TAC4: variants seen among roughly 807,000 people sequenced by gnomAD.
TAC4 encodes the protein tachykinin precursor 4, also known as tachykinin-4.
A neutral mutation model predicts 17.7 loss-of-function variants in TAC4; 17 were observed. The ratio of observed to expected loss-of-function variants is 0.96; its 90% CI spans 0.66 to 1.44. The LOEUF (loss-of-function observed/expected upper bound fraction) is 1.44, where lower values mean the gene tolerates loss of function less well. Ranked by LOEUF, TAC4 falls within the 40% of genes most tolerant of loss-of-function variation. TAC4 has a pLI of 0.00. For missense variants in TAC4, 118 were observed against 125.6 expected (o/e 0.94, Z 0.29); for synonymous variants, 62 against 52.4 (o/e 1.18, Z -0.79).
chr17:49,839,992 G>A (rs2074484947), intron 3 of TAC4, 83 bp from the exon 4 acceptor site: 1 of 1,408,076 alleles, frequency 7.1e-7, no homozygotes. Flanking sequence ...CAAAGGACAG[G>A]GCCAGGGCGA....
Position 49,842,389 on chromosome 17 carries a change from G to C in TAC4, c.200-805C>G, listed in dbSNP as rs923930357. Among the ~76,000 whole-genome samples the C allele has an allele frequency of 3.0e-4, 46 of 151,960 alleles. 2 individuals carry two copies. Among genetic ancestry groups the C allele is most frequent in the Non-Finnish European group, 1.5e-5 (1 of 67,988 alleles). The stretch of plus-strand genomic sequence containing the variant: ...ACTAAAAATACAAAAAATTAGCCAG[G>C]CATGGTGGCTGATGCCTGTAATCTC... On this transcript the variant is annotated intron_variant, in intron 2 of 4. Transcript: ENST00000436235.
At chr17:49,847,692 G>GACACACAC (rs150685532) in intron 1 of TAC4, 351 of 434,216 alleles carry the variant, frequency 8.1e-4, no homozygotes, top group East Asian at 2.3e-3. Flanking sequence ...CACACACACA[G>GACACACAC]ACACACACAC....
chr17:49,844,288 C>T (rs1317236448), intron 1 of TAC4, 131 bp from the exon 2 acceptor site: 4 of 742,408 alleles, frequency 5.4e-6, no homozygotes, highest in Non-Finnish European at 9.4e-6. Flanking sequence ...GCACTGGGCA[C>T]CTCAGCATAT....
chr17:49,844,163 G>A lies in TAC4; in HGVS notation c.106-6C>T, dbSNP rs894811920. On this transcript the variant is annotated splice_region_variant and splice_polypyrimidine_tract_variant and intron_variant, in intron 1 of 4. Transcript: ENST00000436235. ...ATGCTGGGGCCAGCGCCTTCCTGAA[G>A]AAGCAGAGAGTTAGTGTTAGAGTTG... The A allele has an allele frequency of 2.1e-5, 34 of 1,613,598 alleles. No homozygotes were observed. The Middle Eastern group carries it at 3.0e-3, about 141-fold the overall frequency.
chr17:49,846,807 G>C, intron 1 of TAC4: 1 of 499,460 alleles, frequency 2.0e-6, no homozygotes, highest in Non-Finnish European at 3.2e-6. Flanking sequence ...GCTGCGTAGT[G>C]AGGCCCATCA....
chr17:49,846,890 G>C, intron 1 of TAC4: 1 of 1,181,940 alleles, frequency 8.5e-7, no homozygotes, highest in Non-Finnish European at 1.1e-6. Flanking sequence ...ATCAAAGCTG[G>C]AGAAAAGCCT....
chr17:49,838,545 A>T lies in TAC4; in HGVS notation c.*97T>A. On this transcript the variant is annotated 3_prime_UTR_variant, in exon 5 of 5. Transcript: ENST00000436235. ...GAAGTGCCAGCGATGAGGACAGGAGACACAGAGAAGAGAGTTGGCCTGCCG... is the reference window on the plus strand; with the variant it reads ...GAAGTGCCAGCGATGAGGACAGGAGTCACAGAGAAGAGAGTTGGCCTGCCG... 1 of 1,464,484 alleles carries T rather than the reference A, an allele frequency of 6.8e-7. No individual in the cohort carries two copies. The highest frequency in any genetic ancestry group is 9.6e-7 in the Non-Finnish European group (1 of 1,046,398). The allele number at this position is 1,464,484 out of a possible 1,614,324, so 90.7% of individuals were successfully genotyped here. A position where few individuals can be genotyped will look rare whatever the true frequency, so the allele number is the denominator to read the frequency against.
chr17:49,842,819 A>G (rs1307816886), intron 2 of TAC4, among the ~76,000 whole-genome samples: 1 of 152,172 alleles, frequency 6.6e-6, no homozygotes, highest in Non-Finnish European at 1.5e-5. Flanking sequence ...ATGCATTTGC[A>G]TATCTGTGTG....
rs754494238 is a variant in TAC4, at chr17:49,840,466, G to C, written c.233-557C>G. Among the ~76,000 whole-genome samples, 9 of 152,264 alleles carry C rather than the reference G, an allele frequency of 5.9e-5. No homozygotes were observed. In the East Asian group the frequency reaches 1.2e-3, roughly 20 times the overall value. ...TAGGGGACTAGACTTGGTCCTGAGA[G>C]CGCTGAGGGAGTGGAGGGTACAGGT... On this transcript the variant is annotated intron_variant, in intron 3 of 4. Transcript: ENST00000436235.
chr17:49,841,581 C>A lies in TAC4; in HGVS notation c.203G>T (p.Arg68Ile). Residue 68 changes from arginine (R) to isoleucine (I), a missense_variant, in exon 3 of 5, where the codon AGA becomes ATA. Coordinates refer to ENST00000436235, the MANE Select transcript of TAC4 (RefSeq NM_001077506.2). ...FGLMGKRVGG[R>I]PLIQPRRKKA... Reference sequence around the variant, plus strand: ...TTTTCTCCTTGGCTGGATCAGAGGTCTTCCTGGGGGAAGGAGAAGGAATGA... The same window carrying A: ...TTTTCTCCTTGGCTGGATCAGAGGTATTCCTGGGGGAAGGAGAAGGAATGA... The A allele has an allele frequency of 6.4e-7, 1 of 1,574,252 alleles. No individual in the cohort carries two copies. The highest frequency in any genetic ancestry group is 1.8e-5 in the Admixed American group (1 of 54,640).
intron 1 of TAC4, among the ~76,000 whole-genome samples, chr17:49,845,464 T>C (rs77859719): frequency 2.1e-3 from 326 of 152,318 alleles, no homozygotes; most frequent in African/African-American, 7.1e-3. Flanking sequence ...TTAGACTGTC[T>C]TCACATGTCT....
intron 4 of TAC4, 41 bp from the exon 5 acceptor site, chr17:49,838,714 T>C (rs754401609): frequency 6.2e-7 from 1 of 1,604,364 alleles, no homozygotes; most frequent in Non-Finnish European, 8.5e-7. Flanking sequence ...TAGTCGGGGG[T>C]CTTGTCTGGC....
chr17:49,847,756 G>T, intron 1 of TAC4, 157 bp downstream of exon 1: 1 of 1,259,400 alleles, frequency 7.9e-7, no homozygotes, highest in East Asian at 2.5e-5. Flanking sequence ...AGGGCTCATA[G>T]CCTTGAATCT....
intron 1 of TAC4, chr17:49,846,846 G>T: frequency 1.2e-6 from 1 of 828,016 alleles, no homozygotes; most frequent in South Asian, 1.7e-5. Flanking sequence ...TCTAGACCAG[G>T]TACCCTGATG....
chr17:49,841,411 T>C, intron 3 of TAC4, 141 bp downstream of exon 3: 3 of 798,196 alleles, frequency 3.8e-6, no homozygotes, highest in Non-Finnish European at 5.5e-6. Context: ...CAAACCACAC[T>C]GGCCCCACCT....
intron 3 of TAC4, among the ~76,000 whole-genome samples, chr17:49,840,152 C>T (rs1164980750): frequency 6.6e-6 from 1 of 152,244 alleles, no homozygotes; most frequent in Non-Finnish European, 1.5e-5. Context: ...GCTCTCCCTT[C>T]ACAAACGCCT....
chr17:49,841,901 CTTTTTTTT>C (rs1161302297), intron 2 of TAC4, among the ~76,000 whole-genome samples: 2 of 99,132 alleles, frequency 2.0e-5, no homozygotes, highest in African/African-American at 7.9e-5. Flanking sequence ...GAGATTTAAT[CTTTTTTTT>C]TTTTTTTTTT....
At chr17:49,847,886 CA>C (rs35632898) in intron 1 of TAC4, 26 bp downstream of exon 1, 8 of 1,613,914 alleles carry the variant, frequency 5.0e-6, no homozygotes, top group Non-Finnish European at 6.8e-6. Context: ...AGCCTCTCCC[CA>C]AAAGTACCTC....
chr17:49,839,996 A>G (rs1171853502), intron 3 of TAC4, 87 bp from the exon 4 acceptor site: 6 of 1,340,576 alleles, frequency 4.5e-6, no homozygotes, highest in East Asian at 2.3e-5. Flanking sequence ...GGACAGGGCC[A>G]GGGCGAGGGC....
Sources: allele counts gnomAD v4.1 joint callset (sites outside exome capture counted in the v4.1 genomes callset), GRCh38; gene constraint gnomAD v4.1.1; transcripts MANE v1.5; gene names NCBI Gene and HGNC (gene_info 2026-07-23, HGNC 2026-07-21).